The following NOC3L variants were observed in gnomAD, a reference collection of about 807,000 sequenced individuals.
The protein encoded by NOC3L is nucleolar complex protein 3 homolog.
A neutral mutation model predicts 102.5 loss-of-function variants in NOC3L; 85 were observed. That is an observed-to-expected ratio of 0.83 (90% CI 0.70 to 0.99). The LOEUF is 0.99. Ranked by LOEUF, NOC3L falls within the 50% of genes least tolerant of loss-of-function variation. NOC3L has a pLI of 0.00. For synonymous variants in NOC3L, 303 were observed against 309.4 expected, an observed-to-expected ratio of 0.98 and a Z score of 0.22; for missense variants, 878 against 914.9, an observed-to-expected ratio of 0.96 and a Z score of 0.52.
the NOC3L span, among the ~76,000 whole-genome samples, chr10:94,321,621 C>T: frequency 4.2e-5 from 6 of 143,434 alleles, no homozygotes; most frequent in Admixed American, 1.4e-4. Context: ...GAGCAAGACT[C>T]CATCTCAGAA....
intron 13 of NOC3L, among the ~76,000 whole-genome samples, chr10:94,342,509 CAT>C (rs2054297083): frequency 3.3e-5 from 5 of 151,200 alleles, no homozygotes. Context: ...TTAAAATGAG[CAT>C]ACCCTTTGAT....
At chr10:94,332,708 T>G (rs1398515210), downstream of NOC3L, 1 of 152,312 alleles carries the variant, frequency 6.6e-6, no homozygotes, top group East Asian at 1.9e-4. Flanking sequence ...AGCTGTGAAA[T>G]AGCTGATGAG....
chr10:94,325,742 C>A, the NOC3L span: 1 of 152,146 alleles, frequency 6.6e-6, no homozygotes, highest in Non-Finnish European at 1.5e-5. Context: ...CTTATTTCAT[C>A]AGACAACTGT....
Position 94,333,558 on chromosome 10 carries a change from TTTCC to T in NOC3L, c.*615_*618del, listed in dbSNP as rs1490035151. 1 of 152,140 alleles carries T rather than the reference TTTCC, an allele frequency of 6.6e-6. No individual in the cohort carries two copies. The highest frequency in any genetic ancestry group is 1.5e-5 in the Non-Finnish European group (1 of 68,022). 9.4% of individuals were successfully genotyped at this position (152,140 alleles called of 1,614,324 possible). ...TTAGAGACTAGAATCATATTCAAAC[TTTCC>T]TTGAAAGTAGCTATAATAAACACTA... On this transcript the variant is annotated 3_prime_UTR_variant, in exon 21 of 21. Transcript: ENST00000371361.
chr10:94,324,403 G>A, the NOC3L span: 8 of 1,614,116 alleles, frequency 5.0e-6, no homozygotes, highest in Admixed American at 3.3e-5. Context: ...CAATCCAAGC[G>A]ACTATGTGCT....
the NOC3L span, chr10:94,325,128 C>A: frequency 1.3e-6 from 2 of 1,507,264 alleles, no homozygotes; most frequent in South Asian, 1.1e-5. Flanking sequence ...TTGCACCATC[C>A]TGGAACAGGG....
chr10:94,350,019 A>C, intron 9 of NOC3L, 94 bp downstream of exon 9: 2 of 1,202,440 alleles, frequency 1.7e-6, no homozygotes, highest in Non-Finnish European at 2.4e-6. Flanking sequence ...CGGCCTCCCA[A>C]AGTGCTGGGA....
chr10:94,345,480 C>T (rs1348287910), intron 11 of NOC3L, among the ~76,000 whole-genome samples: 2 of 151,848 alleles, frequency 1.3e-5, no homozygotes, highest in Non-Finnish European at 2.9e-5. Context: ...GCTGTAAGAG[C>T]AGTAAATGAT....
chr10:94,339,766 A>C lies in NOC3L; in HGVS notation c.1935T>G (p.Ile645Met). ...LHVLPNSSIG[I>M]LATTRILMHT... ...GCATTAATATTCTGGTAGTTGCTAA[A>C]ATGCCAATACTTGAATTTGGAAGAA... Residue 645 changes from isoleucine to methionine, a missense_variant, in exon 17 of 21, where the codon ATT becomes ATG. Ile to Met is a conservative substitution (Grantham distance 10). Transcript: ENST00000371361. 1 of 1,614,058 alleles carries C rather than the reference A, an allele frequency of 6.2e-7. No individual in the cohort carries two copies. The highest frequency in any genetic ancestry group is 8.5e-7 in the Non-Finnish European group (1 of 1,179,974).
At chr10:94,359,164 C>T (rs766048019) in intron 2 of NOC3L, among the ~76,000 whole-genome samples, 1 of 152,276 alleles carries the variant, frequency 6.6e-6, no homozygotes, top group Admixed American at 6.5e-5. Context: ...GTGGCTCACA[C>T]CTGTAATCTT....
At chr10:94,328,894 T>A (rs1307388806), downstream of NOC3L, 1 of 152,212 alleles carries the variant, frequency 6.6e-6, no homozygotes, top group African/African-American at 2.4e-5. Context: ...GAATGACGTA[T>A]AATTTAATAT....
At chr10:94,361,354 A>G in intron 2 of NOC3L, 1 of 312,194 alleles carries the variant, frequency 3.2e-6, no homozygotes. Context: ...AAGTGGCAGC[A>G]CTGGCACACT....
intron 16 of NOC3L, 124 bp downstream of exon 16, chr10:94,340,152 A>T (rs2054265614): frequency 1.2e-6 from 1 of 834,338 alleles, no homozygotes; most frequent in South Asian, 1.8e-5. Context: ...ATACAGATGC[A>T]TGGCACTGGA....
chr10:94,316,634 G>C, the NOC3L span: 4 of 1,609,482 alleles, frequency 2.5e-6, no homozygotes. Context: ...AGAAAAGAAT[G>C]AATGTAGGAA....
intron 6 of NOC3L, 59 bp downstream of exon 6, chr10:94,354,904 C>G (rs17517960): frequency 0.014 from 21,798 of 1,524,074 alleles, 228 homozygotes; most frequent in Middle Eastern, 0.03. Context: ...GGAATCTTAA[C>G]AATTAGGCAT....
chr10:94,324,787 C>G, the NOC3L span: 6 of 1,224,278 alleles, frequency 4.9e-6, no homozygotes, highest in Admixed American at 9.0e-5. Flanking sequence ...CCTACTCTCT[C>G]CAAAGCTCTA....
In NOC3L at chr10:94,334,667, A is replaced by G. The variant is rs761428588; in HGVS notation, c.2241T>C (p.Asn747=). Residue 747 remains asparagine, a synonymous_variant, in exon 20 of 21, where the codon AAT becomes AAC. Transcript: ENST00000371361. ...EAYSMAEMTF[N]PPVESSNPKI... is the part of the protein sequence containing the mutation. ...TGGGGTTTGAAGATTCAACAGGAGGATTGAATGTCATTTCTGCCATGCTAT... is the reference window on the plus strand; with the variant it reads ...TGGGGTTTGAAGATTCAACAGGAGGGTTGAATGTCATTTCTGCCATGCTAT... The G allele has an allele frequency of 7.4e-6, 12 of 1,613,176 alleles. 1 individual carries two copies. The South Asian group carries it at 1.2e-4, about 16-fold the overall frequency.
At chr10:94,356,639 T>C (rs529022942) in intron 4 of NOC3L, 48 bp from the exon 5 acceptor site, 14 of 1,101,190 alleles carry the variant, frequency 1.3e-5, no homozygotes, top group Non-Finnish European at 1.8e-5. Flanking sequence ...ACTTAAGTGG[T>C]AAAAACTGTA....
intron 19 of NOC3L, among the ~76,000 whole-genome samples, chr10:94,336,416 C>T (rs886921852): frequency 2.0e-5 from 3 of 151,724 alleles, no homozygotes; most frequent in East Asian, 2.0e-4. Flanking sequence ...GGCGAGATCT[C>T]GACTCACTGC....
Sources: allele counts gnomAD v4.1 joint callset (sites outside exome capture counted in the v4.1 genomes callset), GRCh38; gene constraint gnomAD v4.1.1; transcripts MANE v1.5; gene names NCBI Gene and HGNC (gene_info 2026-07-23, HGNC 2026-07-21).